The following BMF variants were observed in gnomAD, a reference collection of about 807,000 sequenced individuals.
BMF encodes the protein Bcl2 modifying factor, also known as bcl-2-modifying factor.
A neutral mutation model predicts 22.0 loss-of-function variants in BMF; 10 were observed. The ratio of observed to expected loss-of-function variants is 0.45; its 90% confidence interval spans 0.28 to 0.77. The LOEUF (loss-of-function observed/expected upper bound fraction) is 0.77. Ranked by LOEUF, BMF falls within the 30% of genes least tolerant of loss-of-function variation. The pLI is 0.13. For synonymous variants in BMF, 87 were observed against 88.1 expected, an observed-to-expected ratio of 0.99 and a Z score of 0.07; for missense variants, 206 against 226.8, an observed-to-expected ratio of 0.91 and a Z score of 0.59.
intron 4 of BMF, among the ~76,000 whole-genome samples, chr15:40,096,494 A>G (rs1018782938): frequency 1.3e-5 from 2 of 152,220 alleles, no homozygotes; most frequent in African/African-American, 4.8e-5. Flanking sequence ...AACTTATAAT[A>G]TCTCAGATAC....
At chr15:40,096,321 A>G (rs1339253333) in intron 4 of BMF, among the ~76,000 whole-genome samples, 1 of 152,032 alleles carries the variant, frequency 6.6e-6, no homozygotes, top group Non-Finnish European at 1.5e-5. Flanking sequence ...TCCCCTTTTC[A>G]GATCCAATTC....
intron 3 of BMF, 60 bp downstream of exon 3, chr15:40,105,735 G>C (rs539846): frequency 2.6e-6 from 4 of 1,515,044 alleles, no homozygotes; most frequent in Non-Finnish European, 3.5e-6. Flanking sequence ...TTTGGGGAGG[G>C]AAAGTCCCCT....
chr15:40,105,873 T>G lies in BMF; in HGVS notation c.214A>C (p.Thr72Pro). Reference sequence around the variant, plus strand: ...TGGCTGGGGGAGGCTGGGCTGAGAGTCTGGGTAGCTTTGTCTTCCTGGCTG... The same window carrying G: ...TGGCTGGGGGAGGCTGGGCTGAGAGGCTGGGTAGCTTTGTCTTCCTGGCTG... ...PTSQEDKATQ[T>P]LSPASPSQGV... Residue 72 changes from threonine (T) to proline (P), a missense_variant, in exon 3 of 5, where the codon ACT becomes CCT. Transcript: ENST00000354670. 2 of 1,613,594 alleles carry G rather than the reference T, an allele frequency of 1.2e-6. No homozygotes were observed. Among genetic ancestry groups the G allele is most frequent in the Non-Finnish European group, 1.7e-6 (2 of 1,179,884 alleles).
chr15:40,095,044 G>C (rs532343684), intron 4 of BMF, among the ~76,000 whole-genome samples: 1 of 152,142 alleles, frequency 6.6e-6, no homozygotes, highest in African/African-American at 2.4e-5. Flanking sequence ...TGTCATCCAC[G>C]ACTACCTTCA....
chr15:40,095,328 T>G (rs1340766158), intron 4 of BMF, among the ~76,000 whole-genome samples: 1 of 152,136 alleles, frequency 6.6e-6, no homozygotes, highest in Non-Finnish European at 1.5e-5. Flanking sequence ...GAAAAAAGAC[T>G]TGAAGGGAGG....
rs1402866062 is a variant in BMF at position 40,106,930 on chromosome 15, C to T, written c.-5-839G>A. On this transcript the variant is annotated intron_variant, in intron 2 of 4. Transcript: ENST00000354670. This position sits in a 1 kb window ranked among gnomAD's most constrained non-coding sequence, Gnocchi z 4.1. ...TCAAATCCCTGATTCCACAGCCTCC[C>T]GCTCCTGCCAGCTCTGAACCTGAGA... is the stretch of plus-strand genomic sequence containing the variant. 1.3e-5 allele frequency among the ~76,000 whole-genome samples: 2 copies of T among 152,180 alleles called. No homozygotes were observed. The highest frequency in any genetic ancestry group is 4.8e-5 in the African/African-American group (2 of 41,442).
At chr15:40,104,958 C>T (rs1276127487) in intron 3 of BMF, among the ~76,000 whole-genome samples, 1 of 152,188 alleles carries the variant, frequency 6.6e-6, no homozygotes, top group Non-Finnish European at 1.5e-5. Context: ...GCGTTAGAAC[C>T]ACCGCTAGGG....
At chr15:40,094,381 A>G (rs1429703169) in intron 4 of BMF, among the ~76,000 whole-genome samples, 1 of 152,154 alleles carries the variant, frequency 6.6e-6, no homozygotes, top group East Asian at 1.9e-4. Context: ...GGCAGGATAC[A>G]TGGGCCGGCC....
intron 4 of BMF, among the ~76,000 whole-genome samples, chr15:40,099,726 C>T (rs536337293): frequency 1.4e-5 from 2 of 142,308 alleles, no homozygotes; most frequent in African/African-American, 5.3e-5. Context: ...TGCAGTGAGC[C>T]GAGATCGCAC....
chr15:40,095,691 C>T lies in BMF; in HGVS notation c.454-3803G>A, dbSNP rs117484626. On this transcript the variant is annotated intron_variant, in intron 4 of 4. Coordinates refer to ENST00000354670, the MANE Select transcript of BMF (RefSeq NM_001003940.2). ...GAGGGGAAGCTCACCCTAGAGCCCT[C>T]GGACTCACATGGTTTAGAAGGCAGG... is the stretch of plus-strand genomic sequence containing the variant. 5.8e-4 allele frequency among the ~76,000 whole-genome samples: 89 copies of T among 152,216 alleles called. No individual in the cohort carries two copies. In the East Asian group the frequency reaches 0.015, roughly 25 times the overall value.
intron 3 of BMF, 28 bp downstream of exon 3, chr15:40,105,767 G>C: frequency 6.4e-7 from 1 of 1,565,508 alleles, no homozygotes; most frequent in Non-Finnish European, 8.7e-7. Context: ...GTCTCTATGG[G>C]AGGAGTCTTG....
intron 4 of BMF, among the ~76,000 whole-genome samples, chr15:40,094,345 G>C (rs967470320): frequency 5.9e-5 from 9 of 152,170 alleles, no homozygotes; most frequent in East Asian, 1.9e-4. Flanking sequence ...GTCTTGCAGG[G>C]GACCCAGGCA....
In BMF at chr15:40,088,650, C is replaced by T. The variant is rs147564135; in HGVS notation, c.*3137G>A. ...TAACCCCCAGGCAGGGGCCACCTGC[C>T]GATGGGGCTGGGCTGCCAGGAGCAG... On this transcript the variant is annotated 3_prime_UTR_variant, in exon 5 of 5. Transcript: ENST00000354670. 3.8e-3 allele frequency: 585 copies of T among 152,592 alleles called. 4 individuals are homozygous for T. Among genetic ancestry groups the T allele is most frequent in the Middle Eastern group, 0.013 (4 of 298 alleles). 9.5% of individuals were successfully genotyped at this position (152,592 alleles called of 1,614,324 possible).
At chr15:40,099,780 C>CAAAA (rs747996690) in intron 4 of BMF, among the ~76,000 whole-genome samples, 17 of 64,360 alleles carry the variant, frequency 2.6e-4, no homozygotes, top group Admixed American at 5.1e-4. Context: ...GCTGTCTCAC[C>CAAAA]AAAAAAAAAA....
chr15:40,097,540 A>T (rs1475996878), intron 4 of BMF, among the ~76,000 whole-genome samples: 1 of 152,148 alleles, frequency 6.6e-6, no homozygotes, highest in Non-Finnish European at 1.5e-5. Context: ...GGGCGATTGG[A>T]CCATGGTTCC....
intron 4 of BMF, among the ~76,000 whole-genome samples, chr15:40,099,261 T>TCCA (rs2036426732): frequency 1.3e-5 from 2 of 152,158 alleles, no homozygotes; most frequent in Non-Finnish European, 1.5e-5. Flanking sequence ...GAACAAAGGA[T>TCCA]CCAGTCTGCT....
In BMF at chr15:40,092,334, C is replaced by G. The variant is rs1430017392; in HGVS notation, c.454-446G>C. On this transcript the variant is annotated intron_variant, in intron 4 of 4. Transcript: ENST00000354670. ...ACAGAGAACAAGGGGAAAGGGGGGG[C>G]CTCCATCTGCAAGTGATTTGACACT... Among the ~76,000 whole-genome samples the G allele has an allele frequency of 5.3e-5, 8 of 150,240 alleles. No homozygotes were observed. The East Asian group carries it at 5.8e-4, about 11-fold the overall frequency.
chr15:40,090,183 G>A lies in BMF; in HGVS notation c.*1604C>T, dbSNP rs2036206352. 6.6e-6 allele frequency: 1 copy of A among 152,578 alleles called. No individual in the cohort carries two copies. Among genetic ancestry groups the A allele is most frequent in the South Asian group, 2.1e-4 (1 of 4,832 alleles). The allele number at this position is 152,578 out of a possible 1,614,324, so 9.5% of individuals were successfully genotyped here. ...GAATTCCAGCCTCCATTAGCTGCAG[G>A]TGCCCTTGTGCAGTGAACAACCTGC... On this transcript the variant is annotated 3_prime_UTR_variant, in exon 5 of 5. Coordinates refer to ENST00000354670, the MANE Select transcript of BMF (RefSeq NM_001003940.2).
Position 40,108,792 on chromosome 15 carries a change from G to A in BMF, c.-153C>T. On this transcript the variant is annotated 5_prime_UTR_variant, in exon 1 of 5. Transcript: ENST00000354670. ...GCTCACCGGGCTGCGGCAGGAGGCG[G>A]GAGGCGCAGGCAGGGGCGGCGGCGG... 6.5e-6 allele frequency: 1 copy of A among 154,426 alleles called. No homozygotes were observed. Among genetic ancestry groups the A allele is most frequent in the Non-Finnish European group, 1.4e-5 (1 of 69,186 alleles). 9.6% of individuals were successfully genotyped at this position (154,426 alleles called of 1,614,324 possible).
Sources: allele counts gnomAD v4.1 joint callset (sites outside exome capture counted in the v4.1 genomes callset), GRCh38; gene constraint gnomAD v4.1.1; non-coding constraint Gnocchi (gnomAD v3.1); transcripts MANE v1.5; gene names NCBI Gene and HGNC (gene_info 2026-07-23, HGNC 2026-07-21).